The following MIR17HG variants were observed in gnomAD, a reference collection of about 807,000 sequenced individuals.
The protein encoded by MIR17HG is MIR17 host gene (non-protein coding).
intron 3 of MIR17HG, chr13:91,352,468 T>C (rs977909358): frequency 6.6e-6 from 1 of 152,226 alleles, no homozygotes; most frequent in Non-Finnish European, 1.5e-5. Context: ...AAAGAGGCTA[T>C]CTTAGTAATA....
chr13:91,349,032 G>A (rs907038333), intron 1 of MIR17HG, among the ~76,000 whole-genome samples: 6 of 151,428 alleles, frequency 4.0e-5, no homozygotes, highest in Non-Finnish European at 5.9e-5. Flanking sequence ...CGGGTTGGGG[G>A]GGTTGCCGCG....
intron 3 of MIR17HG, chr13:91,351,018 T>C (rs531683716): frequency 1.9e-6 from 1 of 528,808 alleles, no homozygotes; most frequent in South Asian, 1.4e-5. Flanking sequence ...TGTACTTTTA[T>C]TGTGTCGATG....
At chr13:91,349,323 G>C (rs891804509) in intron 1 of MIR17HG, among the ~76,000 whole-genome samples, 1 of 152,062 alleles carries the variant, frequency 6.6e-6, no homozygotes, top group Non-Finnish European at 1.5e-5. Context: ...CTTTATCCCG[G>C]CTTGCAGCCA....
intron 3 of MIR17HG, chr13:91,350,736 A>T (rs781432247): frequency 1.9e-6 from 1 of 534,098 alleles, no homozygotes; most frequent in South Asian, 1.4e-5. Context: ...GGGCCTGCTG[A>T]TGTTGAGTGC....
chr13:91,347,863 C>G (rs1471369006), exon 1 of MIR17HG: 1 of 150,830 alleles, frequency 6.6e-6, no homozygotes, highest in Non-Finnish European at 1.5e-5. Context: ...CACCCCCGGC[C>G]TGGGGCCTCC....
At chr13:91,348,573 C>T (rs1005409210) in intron 1 of MIR17HG, among the ~76,000 whole-genome samples, 1 of 151,164 alleles carries the variant, frequency 6.6e-6, no homozygotes, top group African/African-American at 2.4e-5. Context: ...TCGGCGCGGC[C>T]TGGGCGCCAC....
At chr13:91,351,174 A>G (rs1247260119) in intron 3 of MIR17HG, 1 of 526,214 alleles carries the variant, frequency 1.9e-6, no homozygotes, top group Middle Eastern at 3.2e-4. Flanking sequence ...CGCCCAATCA[A>G]ACTGTCCTGT....
chr13:91,348,334 G>A lies in MIR17HG; in HGVS notation n.140+375G>A, dbSNP rs544760928. 2.0e-3 allele frequency among the ~76,000 whole-genome samples: 299 copies of A among 151,054 alleles called. 1 individual carries two copies. The highest frequency in any genetic ancestry group is 5.8e-3 in the African/African-American group (240 of 41,402). ...GAGGCCCGTGCCTTCTCCGGGGCCCGGGGCGCGCGCGGGGCGTGGGGTCTC... is the reference window on the plus strand; with the variant it reads ...GAGGCCCGTGCCTTCTCCGGGGCCCAGGGCGCGCGCGGGGCGTGGGGTCTC... On this transcript the variant is annotated intron_variant and non_coding_transcript_variant, in intron 1 of 3. Transcript: ENST00000400282.
At chr13:91,353,798 G>C (rs1225430726) in intron 3 of MIR17HG, 1 of 144,802 alleles carries the variant, frequency 6.9e-6, no homozygotes, top group Admixed American at 6.7e-5. Flanking sequence ...TTTTTTTTTG[G>C]CGTTTGCATG....
intron 3 of MIR17HG, chr13:91,351,921 T>C (rs908718462): frequency 5.9e-5 from 9 of 153,762 alleles, no homozygotes; most frequent in African/African-American, 2.2e-4. Flanking sequence ...TGTTAAATGC[T>C]TGTATACTAG....
intron 1 of MIR17HG, chr13:91,349,664 T>G (rs1428248354): frequency 6.6e-6 from 1 of 152,196 alleles, no homozygotes. Flanking sequence ...AAATAATGTT[T>G]TATCTTTTTT....
intron 3 of MIR17HG, chr13:91,351,213 G>T (rs1279688822): frequency 1.9e-6 from 1 of 527,388 alleles, no homozygotes; most frequent in Admixed American, 1.9e-5. Flanking sequence ...GGTTAGTTTT[G>T]CAGGTTTGCA....
chr13:91,353,585 A>T (rs140409601), intron 3 of MIR17HG, among the ~76,000 whole-genome samples: 1 of 152,216 alleles, frequency 6.6e-6, no homozygotes, highest in South Asian at 2.1e-4. Flanking sequence ...AAAGATTCAC[A>T]TTGTTAATTT....
At chr13:91,349,959 T>TA (rs1875211151) in intron 2 of MIR17HG, 1 of 152,298 alleles carries the variant, frequency 6.6e-6, no homozygotes, top group Admixed American at 6.5e-5. Context: ...AATTACAGTG[T>TA]AAATATTCCT....
chr13:91,348,745 C>A lies in MIR17HG; in HGVS notation n.140+786C>A, dbSNP rs538476835. Among the ~76,000 whole-genome samples the A allele has an allele frequency of 3.3e-3, 493 of 150,504 alleles. 1 individual carries two copies. Among genetic ancestry groups the A allele is most frequent in the African/African-American group, 0.012 (480 of 41,366 alleles). On this transcript the variant is annotated intron_variant and non_coding_transcript_variant, in intron 1 of 3. Transcript: ENST00000400282. ...TGGGAGTGTGGCGCGGGAGGGCCAG[C>A]CCGGCTCGGCGGGAGCGGCGTCCCC... is the stretch of plus-strand genomic sequence containing the variant.
rs867659937 is a variant in MIR17HG at position 91,348,929 on chromosome 13, G to T, written n.141-769G>T. ...CGCCCCTCTGGGCCGGGCTCGGGGG[G>T]GCTGGGGGACACAAAGGAGGGGCGG... On this transcript the variant is annotated intron_variant and non_coding_transcript_variant, in intron 1 of 3. Coordinates refer to ENST00000400282, the Ensembl canonical transcript of MIR17HG. Among the ~76,000 whole-genome samples, 46 of 149,500 alleles carry T rather than the reference G, an allele frequency of 3.1e-4. 1 individual carries two copies. The highest frequency in any genetic ancestry group is 1.1e-3 in the Admixed American group (16 of 15,048).
chr13:91,349,824 A>G (rs1237402363), intron 2 of MIR17HG: 1 of 152,186 alleles, frequency 6.6e-6, no homozygotes, highest in Non-Finnish European at 1.5e-5. Flanking sequence ...TTTTCTTGCT[A>G]TTAAAGTTGA....
intron 1 of MIR17HG, chr13:91,349,583 A>G (rs969147629): frequency 6.6e-6 from 1 of 152,218 alleles, no homozygotes; most frequent in Non-Finnish European, 1.5e-5. Flanking sequence ...TCACAAATGG[A>G]TGGAATTAAT....
At chr13:91,353,467 A>G (rs1413063497) in intron 3 of MIR17HG, among the ~76,000 whole-genome samples, 1 of 152,120 alleles carries the variant, frequency 6.6e-6, no homozygotes, top group Non-Finnish European at 1.5e-5. Context: ...ATTGCTTTTG[A>G]TTTGTTTCTG....
Sources: allele counts gnomAD v4.1 joint callset (sites outside exome capture counted in the v4.1 genomes callset), GRCh38; gene constraint gnomAD v4.1.1; transcripts MANE v1.5; gene names NCBI Gene and HGNC (gene_info 2026-07-23, HGNC 2026-07-21).